The following ACSL6 variants were observed in gnomAD, a reference collection of about 807,000 sequenced individuals.
ACSL6 encodes long-chain-fatty-acid--CoA ligase 6.
Under a neutral mutation model 98.2 loss-of-function variants are expected in ACSL6, and 47 were observed. That is an observed-to-expected ratio of 0.48 (90% CI 0.38 to 0.61). ACSL6 has a LOEUF of 0.61. Among genes scored for constraint, ACSL6 ranks in the 20% least tolerant of loss-of-function variants. The probability of loss-of-function intolerance (pLI) is 0.00; values close to 1 mark genes in which losing one functional copy is unlikely to be tolerated. For missense variants in ACSL6, 761 were observed against 913.4 expected (o/e 0.83, Z 2.15); for synonymous variants, 362 against 336.9 (o/e 1.07, Z -0.82).
chr5:131,988,007 C>G (rs1202031304), intron 7 of ACSL6, 41 bp downstream of exon 7: 2 of 1,602,172 alleles, frequency 1.2e-6, no homozygotes, highest in African/African-American at 1.3e-5. Flanking sequence ...TGGTGACCAG[C>G]CAGCAGTAGC....
intron 5 of ACSL6, among the ~76,000 whole-genome samples, chr5:131,989,130 C>G (rs1204299045): frequency 1.3e-5 from 2 of 152,170 alleles, no homozygotes; most frequent in Non-Finnish European, 2.9e-5. Flanking sequence ...AAGGACAGTT[C>G]CATGGCCTGC....
chr5:131,967,288 G>A (rs1398757165), intron 16 of ACSL6, among the ~76,000 whole-genome samples: 3 of 152,094 alleles, frequency 2.0e-5, no homozygotes, highest in Non-Finnish European at 4.4e-5. Context: ...TCGAGGCTAT[G>A]GTCTCGAGTT....
At chr5:131,976,409 A>G (rs540898051) in intron 10 of ACSL6, among the ~76,000 whole-genome samples, 1 of 152,218 alleles carries the variant, frequency 6.6e-6, no homozygotes, top group East Asian at 1.9e-4. Context: ...GGATCTTAGT[A>G]CTCCCAGAAA....
Position 131,950,070 on chromosome 5 carries a change from A to T in ACSL6, c.*4164T>A, listed in dbSNP as rs1313978215. The T allele has an allele frequency of 5.5e-6, 1 of 180,600 alleles. No individual in the cohort carries two copies. The highest frequency in any genetic ancestry group is 2.4e-5 in the African/African-American group (1 of 42,414). 11.2% of individuals were successfully genotyped at this position (180,600 alleles called of 1,614,324 possible). ...ACTATAACAAAGCAACTGAAAATGT[A>T]ATTACAGTTAAGATACTTTTATGCA... On this transcript the variant is annotated 3_prime_UTR_variant, in exon 21 of 21. Coordinates refer to ENST00000651883, the MANE Select transcript of ACSL6 (RefSeq NM_001009185.3).
intron 8 of ACSL6, 74 bp from the exon 9 acceptor site, chr5:131,985,532 C>T: frequency 2.0e-6 from 3 of 1,516,452 alleles, no homozygotes; most frequent in South Asian, 2.3e-5. Flanking sequence ...CCTGGGCTCC[C>T]CAACCAGCCA....
At chr5:131,975,994 T>G in intron 10 of ACSL6, 1 of 985,480 alleles carries the variant, frequency 1.0e-6, no homozygotes, top group African/African-American at 1.7e-5. Context: ...ACCATGAATG[T>G]GGAGTGTGAC....
At position 131,986,788 on chromosome 5, in the gene ACSL6, C is replaced by T. The variant is rs141033988; in HGVS notation, c.864+34G>A. Reference sequence around the variant, plus strand: ...TGAGGACAGGCCCTGCACGCCATCTCGCTCAATAAAGACCTGCAGGTGAAT... The same window carrying T: ...TGAGGACAGGCCCTGCACGCCATCTTGCTCAATAAAGACCTGCAGGTGAAT... On this transcript the variant is annotated intron_variant, in intron 8 of 20. Transcript: ENST00000651883. 35 of 1,613,730 alleles carry T rather than the reference C, an allele frequency of 2.2e-5. 1 individual carries two copies. The highest frequency in any genetic ancestry group is 8.0e-5 in the African/African-American group (6 of 74,930).
Position 131,994,022 on chromosome 5 carries a change from C to G in ACSL6, c.270+9G>C. 2.5e-6 allele frequency: 4 copies of G among 1,613,008 alleles called. No individual in the cohort carries two copies. Among genetic ancestry groups the G allele is most frequent in the Non-Finnish European group, 3.4e-6 (4 of 1,179,840 alleles). On this transcript the variant is annotated intron_variant, in intron 2 of 20. Transcript: ENST00000651883. ...CTTTCCGCAGTGGAACGTCTCCTAT[C>G]CTGCTCACCTCTACTTCTTCTGACT...
chr5:131,970,059 G>A, intron 15 of ACSL6, 69 bp downstream of exon 15: 11 of 1,443,034 alleles, frequency 7.6e-6, no homozygotes, highest in African/African-American at 1.4e-5. Context: ...CCATGAGGGA[G>A]TTTTAGAGCT....
At chr5:131,989,869 C>A in intron 4 of ACSL6, among the ~76,000 whole-genome samples, 1 of 152,216 alleles carries the variant, frequency 6.6e-6, no homozygotes, top group East Asian at 1.9e-4. Flanking sequence ...GCTGGGATTA[C>A]AGGCATGAGC....
intron 9 of ACSL6, among the ~76,000 whole-genome samples, chr5:131,981,322 T>TAAAA (rs56950797): frequency 3.1e-5 from 3 of 95,268 alleles, no homozygotes; most frequent in Non-Finnish European, 4.2e-5. Context: ...AGTCAACTAT[T>TAAAA]AAAAAAAAAA....
chr5:131,959,750 C>A (rs1434018856), intron 19 of ACSL6, 143 bp from the exon 20 acceptor site: 2 of 716,864 alleles, frequency 2.8e-6, no homozygotes, highest in Non-Finnish European at 4.8e-6. Flanking sequence ...GGCTGATACT[C>A]CCTGGCAACA....
At position 131,986,838 on chromosome 5, in the gene ACSL6, T is replaced by G. The variant is rs1754216402; in HGVS notation, c.848A>C (p.Asn283Thr). 1 of 1,614,148 alleles carries G rather than the reference T, an allele frequency of 6.2e-7. No homozygotes were observed. Among genetic ancestry groups the G allele is most frequent in the African/African-American group, 1.3e-5 (1 of 75,034 alleles). ...TTCGCTTACCACAGGAGCCTGGTGA[T>G]TCTCTTGGCCACAGTCCTGAAAGAA... ...MQAVEDCGQENHQAPVPPQPD... is the reference protein window; with the variant it reads ...MQAVEDCGQETHQAPVPPQPD... The change falls in exon 8 of 21, where the codon AAT becomes ACT. Residue 283 changes from asparagine to threonine, a missense_variant. Coordinates refer to ENST00000651883, the MANE Select transcript of ACSL6 (RefSeq NM_001009185.3).
At chr5:131,965,013 T>TG in intron 17 of ACSL6, among the ~76,000 whole-genome samples, 1 of 152,148 alleles carries the variant, frequency 6.6e-6, no homozygotes, top group Non-Finnish European at 1.5e-5. Flanking sequence ...TAATCATGCA[T>TG]ATCTCCCCTA....
intron 15 of ACSL6, among the ~76,000 whole-genome samples, chr5:131,968,860 T>A (rs1207728006): frequency 6.6e-6 from 1 of 152,204 alleles, no homozygotes; most frequent in African/African-American, 2.4e-5. Context: ...GGCAATACTA[T>A]TCAAAGATAT....
chr5:132,010,646 C>T (rs904259727), intron 1 of ACSL6, among the ~76,000 whole-genome samples: 16 of 152,214 alleles, frequency 1.1e-4, no homozygotes, highest in Non-Finnish European at 1.3e-4. Context: ...ATTTAAGGAT[C>T]AAGCACTGCA....
intron 20 of ACSL6, 141 bp from the exon 21 acceptor site, chr5:131,954,512 A>G (rs1035999669): frequency 3.9e-5 from 37 of 954,932 alleles, no homozygotes; most frequent in Non-Finnish European, 4.5e-5. Context: ...TGTTGAGAAC[A>G]TTTCAGCCTA....
At chr5:131,999,902 G>C (rs1302670061) in intron 1 of ACSL6, among the ~76,000 whole-genome samples, 1 of 152,108 alleles carries the variant, frequency 6.6e-6, no homozygotes, top group Non-Finnish European at 1.5e-5. Context: ...TTGCCAAGTG[G>C]GTTTCTTAAG....
chr5:131,977,419 C>T (rs569604285), intron 9 of ACSL6, among the ~76,000 whole-genome samples: 2 of 152,262 alleles, frequency 1.3e-5, no homozygotes, highest in Admixed American at 1.3e-4. Context: ...AACTTGGCCA[C>T]CATTTCCTGT....
Sources: gnomAD v4.1 joint callset for allele counts (sites outside exome capture counted in the v4.1 genomes callset) on GRCh38, gnomAD v4.1.1 for gene constraint, MANE v1.5 for transcripts, NCBI Gene and HGNC (gene_info 2026-07-23, HGNC 2026-07-21) for gene names.